Variants in MYRIP observed in about 807,000 individuals in gnomAD.
MYRIP encodes rab effector MyRIP.
Under a neutral mutation model 98.0 loss-of-function variants are expected in MYRIP, and 49 were observed. That is an observed-to-expected ratio of 0.50 (90% confidence interval 0.40 to 0.63). The LOEUF is 0.63. MYRIP is among the 30% of genes least tolerant of loss of function. The probability of loss-of-function intolerance (pLI) is 0.00; values close to 1 mark genes in which losing one functional copy is unlikely to be tolerated. For synonymous variants in MYRIP, 404 were observed against 409.5 expected, an observed-to-expected ratio of 0.99 and a Z score of 0.16; for missense variants, 1,004 against 1,058.2, an observed-to-expected ratio of 0.95 and a Z score of 0.71.
intron 11 of MYRIP, among the ~76,000 whole-genome samples, chr3:40,213,035 T>C (rs13318727): frequency 0.053 from 8,094 of 152,308 alleles, 695 homozygotes; most frequent in African/African-American, 0.18. Flanking sequence ...TGACAATTCA[T>C]TTCTTGCCTG....
At chr3:40,145,802 A>G (rs1472465850) in intron 3 of MYRIP, among the ~76,000 whole-genome samples, 1 of 152,236 alleles carries the variant, frequency 6.6e-6, no homozygotes, top group Non-Finnish European at 1.5e-5. Context: ...GATCAGTTAC[A>G]TAAAGCTTGC....
chr3:40,253,380 A>T (rs1407040252), intron 16 of MYRIP, among the ~76,000 whole-genome samples: 1 of 152,232 alleles, frequency 6.6e-6, no homozygotes, highest in Non-Finnish European at 1.5e-5. Flanking sequence ...ATGAAGGTTC[A>T]GCTGTCTCTT....
intron 1 of MYRIP, among the ~76,000 whole-genome samples, chr3:39,890,253 G>T (rs1458147777): frequency 1.3e-5 from 2 of 151,520 alleles, no homozygotes; most frequent in Non-Finnish European, 2.9e-5. Context: ...CTTTGTTTTA[G>T]TAATTTCTCA....
At chr3:39,886,554 A>G (rs901152850) in intron 1 of MYRIP, among the ~76,000 whole-genome samples, 5 of 151,862 alleles carry the variant, frequency 3.3e-5, no homozygotes, top group African/African-American at 1.2e-4. Flanking sequence ...CTCTGATAAA[A>G]CAGATTTTAA....
intron 2 of MYRIP, among the ~76,000 whole-genome samples, chr3:39,931,216 G>A (rs1944529394): frequency 6.6e-6 from 1 of 151,758 alleles, no homozygotes. Context: ...TTATTTCAAT[G>A]ATGTTTGTAG....
chr3:40,230,757 G>A (rs9878515), intron 11 of MYRIP, among the ~76,000 whole-genome samples: 6,116 of 152,062 alleles, frequency 0.04, 286 homozygotes, highest in African/African-American at 0.11. Context: ...AAAGCAAAAT[G>A]GGGACATCAA....
At chr3:40,249,283 T>G (rs1953298654) in intron 13 of MYRIP, among the ~76,000 whole-genome samples, 1 of 152,212 alleles carries the variant, frequency 6.6e-6, no homozygotes, top group Admixed American at 6.5e-5. Context: ...CCCTTGACTC[T>G]GCTAGCCTTT....
chr3:39,815,606 G>A (rs1940877508), intron 1 of MYRIP, among the ~76,000 whole-genome samples: 1 of 152,062 alleles, frequency 6.6e-6, no homozygotes, highest in Non-Finnish European at 1.5e-5. Flanking sequence ...TTGTTGGTTT[G>A]TAGATTCTCT....
chr3:40,071,223 T>C, intron 3 of MYRIP: 1 of 983,358 alleles, frequency 1.0e-6, no homozygotes, highest in Non-Finnish European at 1.2e-6. Flanking sequence ...GCCCATCGGG[T>C]AAACTAAGAA....
At chr3:39,906,653 A>G (rs1193502952) in intron 2 of MYRIP, among the ~76,000 whole-genome samples, 1 of 152,194 alleles carries the variant, frequency 6.6e-6, no homozygotes, top group African/African-American at 2.4e-5. Context: ...TAGTAGAAAA[A>G]AATAACCGGG....
chr3:40,129,971 T>A (rs980221079), intron 3 of MYRIP, among the ~76,000 whole-genome samples: 2 of 152,258 alleles, frequency 1.3e-5, no homozygotes, highest in African/African-American at 4.8e-5. Context: ...AAACTGCTTA[T>A]ACAACAAGTC....
intron 2 of MYRIP, among the ~76,000 whole-genome samples, chr3:40,027,957 G>T (rs976485766): frequency 6.6e-6 from 1 of 152,068 alleles, no homozygotes; most frequent in Admixed American, 6.5e-5. Context: ...GTCACCCTAG[G>T]GGGTCAGGGC....
chr3:39,863,234 A>C (rs1942522196), intron 1 of MYRIP, among the ~76,000 whole-genome samples: 1 of 152,076 alleles, frequency 6.6e-6, no homozygotes, highest in Non-Finnish European at 1.5e-5. Flanking sequence ...CAAGCTTACC[A>C]TACCTAGAGA....
chr3:39,980,426 G>A (rs1288429170), intron 2 of MYRIP, among the ~76,000 whole-genome samples: 1 of 152,198 alleles, frequency 6.6e-6, no homozygotes, highest in Admixed American at 6.5e-5. Context: ...CAGCAACAGA[G>A]AAAATGAATG....
chr3:39,878,165 TCTC>T (rs1379351626), intron 1 of MYRIP, among the ~76,000 whole-genome samples: 2 of 152,200 alleles, frequency 1.3e-5, no homozygotes, highest in Admixed American at 6.5e-5. Flanking sequence ...CGGGATATAA[TCTC>T]CTGGTGTGCC....
chr3:40,039,910 C>T (rs1252449341), intron 2 of MYRIP, among the ~76,000 whole-genome samples: 5 of 152,056 alleles, frequency 3.3e-5, no homozygotes, highest in African/African-American at 9.7e-5. Flanking sequence ...TCTGCCCATG[C>T]CTCCTTCCTA....
intron 2 of MYRIP, among the ~76,000 whole-genome samples, chr3:39,938,755 T>C (rs879861513): frequency 6.6e-6 from 1 of 152,140 alleles, no homozygotes; most frequent in Non-Finnish European, 1.5e-5. Context: ...TCCTCCTGCC[T>C]CAAACTCCCA....
chr3:40,240,071 A>G (rs1342498496), intron 12 of MYRIP, among the ~76,000 whole-genome samples: 2 of 135,830 alleles, frequency 1.5e-5, no homozygotes, highest in African/African-American at 2.8e-5. Context: ...ATCCATCTTG[A>G]ATTGATTTTT....
chr3:40,166,633 G>A (rs1950505348), intron 5 of MYRIP, among the ~76,000 whole-genome samples: 1 of 152,164 alleles, frequency 6.6e-6, no homozygotes, highest in Middle Eastern at 3.2e-3. Flanking sequence ...AGGCATGAAA[G>A]AATCAAACAA....
Sources: allele counts gnomAD v4.1 joint callset (sites outside exome capture counted in the v4.1 genomes callset), GRCh38; gene constraint gnomAD v4.1.1; transcripts MANE v1.5; gene names NCBI Gene and HGNC (gene_info 2026-07-23, HGNC 2026-07-21).